The following NUP58 variants were observed in gnomAD, a reference collection of about 807,000 sequenced individuals.
The protein encoded by NUP58 is nucleoporin 58.
A neutral mutation model predicts 70.1 loss-of-function variants in NUP58; 17 were observed. That is an observed-to-expected ratio of 0.24 (90% confidence interval 0.17 to 0.36). NUP58 has a LOEUF of 0.36. NUP58 is among the 10% of genes least tolerant of loss of function. The pLI is 1.00. For missense variants in NUP58, 644 were observed against 701.5 expected (o/e 0.92, Z 0.93); for synonymous variants, 275 against 257.6 (o/e 1.07, Z -0.65).
chr13:25,320,774 C>T (rs921389142), intron 8 of NUP58, 145 bp from the exon 9 acceptor site: 1 of 728,240 alleles, frequency 1.4e-6, no homozygotes, highest in African/African-American at 1.8e-5. Flanking sequence ...AATTGTATAA[C>T]TTCCATTCTG....
chr13:25,310,496 A>C (rs1426448536), intron 3 of NUP58, among the ~76,000 whole-genome samples: 1 of 144,164 alleles, frequency 6.9e-6, no homozygotes, highest in East Asian at 2.0e-4. Context: ...CTGGGATTAC[A>C]GGCGTGAGCC....
At chr13:25,344,741 GT>G (rs1199120177), downstream of NUP58, among the ~76,000 whole-genome samples, 1 of 152,054 alleles carries the variant, frequency 6.6e-6, no homozygotes, top group Non-Finnish European at 1.5e-5. Context: ...TTAGATTCTT[GT>G]TTGATTATTT....
intron 1 of NUP58, among the ~76,000 whole-genome samples, chr13:25,307,276 A>G (rs1312383111): frequency 7.6e-6 from 1 of 130,852 alleles, no homozygotes; most frequent in Non-Finnish European, 1.5e-5. Context: ...GTGCAGTGAC[A>G]CTATCTCAGC....
At chr13:25,331,594 C>A in intron 13 of NUP58, 36 bp downstream of exon 13, 1 of 1,598,594 alleles carries the variant, frequency 6.3e-7, no homozygotes, top group South Asian at 1.1e-5. Flanking sequence ...TCTTACTGTT[C>A]CAATGCAGAA....
chr13:25,310,306 C>T (rs1236608916), intron 3 of NUP58, among the ~76,000 whole-genome samples: 11 of 150,108 alleles, frequency 7.3e-5, no homozygotes, highest in Admixed American at 4.0e-4. Flanking sequence ...CCGCAACTTC[C>T]GCCTCCTGGG....
chr13:25,336,904 TC>T (rs761304039), intron 13 of NUP58, 31 bp from the exon 14 acceptor site: 8 of 1,402,576 alleles, frequency 5.7e-6, no homozygotes, highest in African/African-American at 1.5e-5. Context: ...TTGTTTTTTT[TC>T]CCCCCCATTT....
In NUP58 at chr13:25,333,696, A is replaced by G. The variant is rs60265322; in HGVS notation, c.1435+2138A>G. 630 of 985,376 alleles carry G rather than the reference A, an allele frequency of 6.4e-4. 6 individuals carry two copies. The African/African-American group carries it at 0.01, about 16-fold the overall frequency. 61.0% of individuals were successfully genotyped at this position (985,376 alleles called of 1,614,324 possible). A position where few individuals can be genotyped will look rare whatever the true frequency, so the allele number is the denominator to read the frequency against. ...GAGATTTCTGAGCTCTGTTAGATAC[A>G]TTTAGAAATGTCCCTATTTATCAAA... On this transcript the variant is annotated intron_variant, in intron 13 of 15. Coordinates refer to ENST00000381736, the MANE Select transcript of NUP58 (RefSeq NM_014089.4).
chr13:25,332,070 A>G, intron 13 of NUP58: 3 of 1,000,682 alleles, frequency 3.0e-6, no homozygotes, highest in Non-Finnish European at 3.6e-6. Flanking sequence ...GTTTGTATGT[A>G]TGTTGACTGT....
intron 3 of NUP58, among the ~76,000 whole-genome samples, chr13:25,310,730 G>T (rs1047094327): frequency 1.3e-5 from 2 of 152,098 alleles, no homozygotes; most frequent in African/African-American, 2.4e-5. Context: ...GGAACTTCTA[G>T]TTGTGATCAG....
At chr13:25,336,156 A>T in intron 13 of NUP58, 1 of 1,342,856 alleles carries the variant, frequency 7.4e-7, no homozygotes, top group Non-Finnish European at 9.9e-7. Flanking sequence ...GAATGTATTG[A>T]ATCTGTCAAG....
chr13:25,310,340 C>T (rs1308341567), intron 3 of NUP58, among the ~76,000 whole-genome samples: 3 of 149,482 alleles, frequency 2.0e-5, no homozygotes, highest in Non-Finnish European at 4.4e-5. Flanking sequence ...CTTGCCTCAG[C>T]TTCCTGAGTA....
intron 1 of NUP58, among the ~76,000 whole-genome samples, chr13:25,307,437 AACTC>A (rs1274467698): frequency 3.3e-5 from 5 of 152,126 alleles, no homozygotes; most frequent in Admixed American, 1.3e-4. Flanking sequence ...GCTGGTCTCG[AACTC>A]CTGACCTTGT....
intron 14 of NUP58, 149 bp from the exon 15 acceptor site, chr13:25,338,487 T>C (rs1033173424): frequency 5.7e-6 from 3 of 525,252 alleles, no homozygotes; most frequent in African/African-American, 3.8e-5. Context: ...AAAAGTCTCA[T>C]GCAAAGGAGT....
intron 1 of NUP58, among the ~76,000 whole-genome samples, chr13:25,307,143 A>G (rs2030404221): frequency 6.7e-6 from 1 of 150,166 alleles, no homozygotes. Flanking sequence ...TGTGATCCCT[A>G]CTTATGATTA....
At chr13:25,302,319 G>A (rs769028746) in intron 1 of NUP58, among the ~76,000 whole-genome samples, 41 of 152,254 alleles carry the variant, frequency 2.7e-4, no homozygotes, top group Admixed American at 2.4e-3. Flanking sequence ...GGATATGACG[G>A]TGTTTTAATA....
chr13:25,333,667 A>G (rs2031686423), intron 13 of NUP58: 1 of 985,376 alleles, frequency 1.0e-6, no homozygotes, highest in Middle Eastern at 5.2e-4. Context: ...TGTCACCATG[A>G]TGTGAGATTT....
chr13:25,345,018 C>T (rs1593206972), downstream of NUP58, among the ~76,000 whole-genome samples: 1 of 152,332 alleles, frequency 6.6e-6, no homozygotes, highest in Middle Eastern at 3.4e-3. Context: ...GCATACCTAA[C>T]TTAAATCTCA....
chr13:25,307,150 A>G (rs922779422), intron 1 of NUP58, among the ~76,000 whole-genome samples: 1 of 150,818 alleles, frequency 6.6e-6, no homozygotes, highest in Non-Finnish European at 1.5e-5. Context: ...CCTACTTATG[A>G]TTACCTTGAG....
At chr13:25,302,149 G>A (rs1240119594) in intron 1 of NUP58, among the ~76,000 whole-genome samples, 1 of 152,258 alleles carries the variant, frequency 6.6e-6, no homozygotes, top group Admixed American at 6.5e-5. Context: ...GGACCTAGTG[G>A]GGTCTTGACT....
Sources: allele counts gnomAD v4.1 joint callset (sites outside exome capture counted in the v4.1 genomes callset), GRCh38; gene constraint gnomAD v4.1.1; transcripts MANE v1.5; gene names NCBI Gene and HGNC (gene_info 2026-07-23, HGNC 2026-07-21).